SLC38A9: variants seen among roughly 807,000 people sequenced by gnomAD.
SLC38A9 encodes neutral amino acid transporter 9.
A neutral mutation model predicts 62.3 loss-of-function variants in SLC38A9; 48 were observed. That is an observed-to-expected ratio of 0.77 (90% CI 0.61 to 0.98). SLC38A9 has a LOEUF of 0.98. Ranked by LOEUF, SLC38A9 falls within the 50% of genes least tolerant of loss-of-function variation. The pLI is 0.00. For missense variants in SLC38A9, 541 were observed against 679.8 expected (o/e 0.80, Z 2.27); for synonymous variants, 204 against 227.7 (o/e 0.90, Z 0.94).
chr5:55,701,342 C>A (rs541572967), intron 2 of SLC38A9, among the ~76,000 whole-genome samples: 4 of 152,274 alleles, frequency 2.6e-5, no homozygotes, highest in South Asian at 4.1e-4. Context: ...TTCTGATTTT[C>A]TTCCCCCAAA....
intron 3 of SLC38A9, among the ~76,000 whole-genome samples, chr5:55,682,436 G>A (rs1753160349): frequency 6.6e-6 from 1 of 152,102 alleles, no homozygotes; most frequent in Admixed American, 6.5e-5. Flanking sequence ...CAGGATTCTT[G>A]GTAATGCTAG....
At chr5:55,681,922 C>T (rs1177631586) in intron 3 of SLC38A9, among the ~76,000 whole-genome samples, 2 of 152,160 alleles carry the variant, frequency 1.3e-5, no homozygotes, top group Non-Finnish European at 2.9e-5. Context: ...TACTCCCACT[C>T]CACAACGGCA....
chr5:55,703,371 G>A (rs1756901861), intron 2 of SLC38A9, among the ~76,000 whole-genome samples: 2 of 152,148 alleles, frequency 1.3e-5, no homozygotes, highest in Admixed American at 6.5e-5. Flanking sequence ...AATTAGCTTA[G>A]TAATAGATCA....
chr5:55,688,401 A>AGG (rs1754251699), intron 3 of SLC38A9, among the ~76,000 whole-genome samples: 2 of 35,310 alleles, frequency 5.7e-5, no homozygotes, highest in African/African-American at 1.3e-4. Flanking sequence ...TTTTTTTTTA[A>AGG]GACAGTCTCA....
chr5:55,686,691 C>T lies in SLC38A9; in HGVS notation c.113+11155G>A, dbSNP rs554690653. Among the ~76,000 whole-genome samples, 5 of 152,176 alleles carry T rather than the reference C, an allele frequency of 3.3e-5. No homozygotes were observed. In the East Asian group the frequency reaches 9.6e-4, roughly 29 times the overall value. ...GGCATCTTCATCATGAAATCTTTGC[C>T]TGTGCCTGTGTCCTGAAAGGTACTG... is the stretch of plus-strand genomic sequence containing the variant. On this transcript the variant is annotated intron_variant, in intron 3 of 15. Coordinates refer to ENST00000396865, the MANE Select transcript of SLC38A9 (RefSeq NM_173514.4).
intron 3 of SLC38A9, among the ~76,000 whole-genome samples, chr5:55,682,406 T>G (rs1454253328): frequency 6.6e-6 from 1 of 152,180 alleles, no homozygotes; most frequent in Admixed American, 6.6e-5. Flanking sequence ...TATAGCATAG[T>G]CACTCACAGG....
chr5:55,653,453 G>T (rs993684577), intron 9 of SLC38A9, among the ~76,000 whole-genome samples: 1 of 152,132 alleles, frequency 6.6e-6, no homozygotes, highest in African/African-American at 2.4e-5. Flanking sequence ...CCAAAGAGCA[G>T]ATTTCTTTTA....
intron 10 of SLC38A9, among the ~76,000 whole-genome samples, 198 bp from the exon 11 acceptor site, chr5:55,649,512 A>G (rs1747003387): frequency 6.6e-6 from 1 of 152,034 alleles, no homozygotes; most frequent in African/African-American, 2.4e-5. Context: ...AAAACACTCT[A>G]TGTAGTAGGC....
chr5:55,629,379 T>C (rs4865962), intron 14 of SLC38A9, among the ~76,000 whole-genome samples: 98,787 of 151,822 alleles, frequency 0.65, 32,361 homozygotes, highest in South Asian at 0.74. Context: ...CCATGCTTTC[T>C]ATACTCTATT....
At chr5:55,672,821 C>T in intron 3 of SLC38A9, 126 bp from the exon 4 acceptor site, 2 of 873,904 alleles carry the variant, frequency 2.3e-6, no homozygotes, top group African/African-American at 1.7e-5. Flanking sequence ...ATTGACTTCT[C>T]ACTTTTGGTG....
At chr5:55,681,829 T>A (rs979358116) in intron 3 of SLC38A9, among the ~76,000 whole-genome samples, 8 of 152,190 alleles carry the variant, frequency 5.3e-5, no homozygotes, top group African/African-American at 1.9e-4. Flanking sequence ...GCCCATGTCC[T>A]GTTTTCATAA....
At chr5:55,627,156 C>T (rs1025272393) in intron 15 of SLC38A9, among the ~76,000 whole-genome samples, 5 of 152,130 alleles carry the variant, frequency 3.3e-5, no homozygotes, top group Admixed American at 3.3e-4. Context: ...TTCTCCTTTT[C>T]TCTATACTTG....
rs569080672 is a variant in SLC38A9 at position 55,661,668 on chromosome 5, G to A, written c.697+3025C>T. ...AGTTGATTCTAAAATGTATATGGAAGAGTTGTGAATCATAATGGAGAAAAA... is the reference window on the plus strand; with the variant it reads ...AGTTGATTCTAAAATGTATATGGAAAAGTTGTGAATCATAATGGAGAAAAA... On this transcript the variant is annotated intron_variant, in intron 8 of 15. Transcript: ENST00000396865. Among the ~76,000 whole-genome samples, 23 of 152,164 alleles carry A rather than the reference G, an allele frequency of 1.5e-4. 1 individual carries two copies. The South Asian group carries it at 3.5e-3, about 23-fold the overall frequency.
intron 3 of SLC38A9, among the ~76,000 whole-genome samples, chr5:55,677,448 C>T (rs1273770715): frequency 6.6e-6 from 1 of 152,104 alleles, no homozygotes; most frequent in African/African-American, 2.4e-5. Flanking sequence ...CAGGACCTTC[C>T]TAAAGTGTTT....
intron 10 of SLC38A9, among the ~76,000 whole-genome samples, chr5:55,650,555 C>A (rs1389261184): frequency 6.6e-6 from 1 of 152,088 alleles, no homozygotes; most frequent in African/African-American, 2.4e-5. Flanking sequence ...AATCAGGAAA[C>A]CACGAATGAG....
At position 55,633,915 on chromosome 5, in the gene SLC38A9, A is replaced by G. The variant is rs1743937387; in HGVS notation, c.1282-13T>C. On this transcript the variant is annotated splice_polypyrimidine_tract_variant and intron_variant, in intron 13 of 15. Transcript: ENST00000396865. ...TGTCTAAAAAATTCTAATCCAAGAAAGATAATGAGGTCATGTTAAAAATCA... is the reference window on the plus strand; with the variant it reads ...TGTCTAAAAAATTCTAATCCAAGAAGGATAATGAGGTCATGTTAAAAATCA... 6.3e-7 allele frequency: 1 copy of G among 1,588,616 alleles called. No homozygotes were observed. The highest frequency in any genetic ancestry group is 1.1e-5 in the South Asian group (1 of 88,340).
chr5:55,669,036 T>C lies in SLC38A9; in HGVS notation c.526+192A>G, dbSNP rs1750881163. On this transcript the variant is annotated intron_variant, in intron 7 of 15. Transcript: ENST00000396865. ...CACTCTGCAAATAACTCCCAGCTTC[T>C]CTGAATTTCAAAAGCAGCCACTAAA... 3 of 365,726 alleles carry C rather than the reference T, an allele frequency of 8.2e-6. No homozygotes were observed. The South Asian group carries it at 1.8e-4, about 22-fold the overall frequency. 22.7% of individuals were successfully genotyped at this position (365,726 alleles called of 1,614,324 possible).
At chr5:55,706,764 T>C (rs537198636) in intron 2 of SLC38A9, among the ~76,000 whole-genome samples, 58 of 152,310 alleles carry the variant, frequency 3.8e-4, no homozygotes, top group African/African-American at 1.4e-3. Context: ...ATTAGCATGA[T>C]GTTAAATTTT....
chr5:55,654,293 T>C (rs1286262305), intron 9 of SLC38A9, among the ~76,000 whole-genome samples: 2 of 152,152 alleles, frequency 1.3e-5, no homozygotes, highest in African/African-American at 4.8e-5. Flanking sequence ...TAGACAGAAA[T>C]TTTCTTGTGC....
Sources: allele counts gnomAD v4.1 joint callset (sites outside exome capture counted in the v4.1 genomes callset), GRCh38; gene constraint gnomAD v4.1.1; transcripts MANE v1.5; gene names NCBI Gene and HGNC (gene_info 2026-07-23, HGNC 2026-07-21).